The following SH2D4A variants were observed in gnomAD, a reference collection of about 807,000 sequenced individuals.
SH2D4A encodes the protein SH2 domain-containing protein 4A.
Under a neutral mutation model 64.7 loss-of-function variants are expected in SH2D4A, and 70 were observed. That is an observed-to-expected ratio of 1.08 (90% CI 0.89 to 1.32). SH2D4A has a LOEUF of 1.32. Ranked by LOEUF, SH2D4A falls within the 40% of genes most tolerant of loss-of-function variation. SH2D4A has a pLI of 0.00. For synonymous variants in SH2D4A, 268 were observed against 200.7 expected, an observed-to-expected ratio of 1.34 and a Z score of -2.83; for missense variants, 706 against 540.1, an observed-to-expected ratio of 1.31 and a Z score of -3.04.
At chr8:19,325,431 A>G (rs1354299708) in intron 2 of SH2D4A, among the ~76,000 whole-genome samples, 1 of 152,210 alleles carries the variant, frequency 6.6e-6, no homozygotes. Context: ...TAGAGTTAGG[A>G]TTTGAACTCA....
intron 8 of SH2D4A, among the ~76,000 whole-genome samples, chr8:19,388,740 C>T (rs1262138364): frequency 6.6e-6 from 1 of 152,192 alleles, no homozygotes; most frequent in African/African-American, 2.4e-5. Flanking sequence ...GAGGCAGTGG[C>T]TGCACGGAAG....
chr8:19,329,978 A>T (rs2052344883), intron 2 of SH2D4A, among the ~76,000 whole-genome samples: 1 of 152,214 alleles, frequency 6.6e-6, no homozygotes, highest in Non-Finnish European at 1.5e-5. Flanking sequence ...CACGTATTAG[A>T]TATGTGATGA....
rs150423146 is a variant in SH2D4A, at chr8:19,342,412, G to C, written c.513+7555G>C. ...TAGAATGCTGAGGCCAGCCTCAAGG[G>C]AAGAAAGCTACACATGGTAAGAGGA... On this transcript the variant is annotated intron_variant, in intron 4 of 9. Coordinates refer to ENST00000265807, the MANE Select transcript of SH2D4A (RefSeq NM_022071.4). Among the ~76,000 whole-genome samples, 733 of 152,342 alleles carry C rather than the reference G, an allele frequency of 4.8e-3. 11 individuals carry two copies. Among genetic ancestry groups the C allele is most frequent in the African/African-American group, 0.016 (681 of 41,586 alleles).
At chr8:19,381,971 T>G (rs2053300867) in intron 8 of SH2D4A, among the ~76,000 whole-genome samples, 1 of 152,220 alleles carries the variant, frequency 6.6e-6, no homozygotes, top group African/African-American at 2.4e-5. Flanking sequence ...TGTACCATCT[T>G]GCATTCCTCC....
rs145887722 is a variant in SH2D4A at position 19,373,583 on chromosome 8, G to A, written c.971G>A (p.Arg324Gln). The change falls in exon 8 of 10, where the codon CGG (arginine) becomes CAG (glutamine). Residue 324 changes from arginine (R) to glutamine (Q), a missense_variant. Arg to Gln is a conservative substitution (Grantham distance 43). Transcript: ENST00000265807. ...AGCTCTGCCCAAGAGGACATCATCC[G>A]GTGGTTTAAAGAGGAGCAGCTACCA... ...LSSSAQEDII[R>Q]WFKEEQLPLR... The A allele has an allele frequency of 3.8e-4, 605 of 1,613,178 alleles. No individual in the cohort carries two copies. The highest frequency in any genetic ancestry group is 4.7e-4 in the Non-Finnish European group (559 of 1,179,616).
At chr8:19,376,311 C>G (rs896903596) in intron 8 of SH2D4A, among the ~76,000 whole-genome samples, 1 of 152,106 alleles carries the variant, frequency 6.6e-6, no homozygotes, top group Non-Finnish European at 1.5e-5. Flanking sequence ...CTGCTTTACT[C>G]CAAGTCCTCC....
At chr8:19,332,887 G>T in intron 2 of SH2D4A, 68 bp from the exon 3 acceptor site, 1 of 1,495,070 alleles carries the variant, frequency 6.7e-7, no homozygotes, top group Non-Finnish European at 9.1e-7. Context: ...CTTTAGTGAT[G>T]GAAACAGTAA....
At chr8:19,317,518 G>A (rs966056110) in intron 1 of SH2D4A, among the ~76,000 whole-genome samples, 18 of 151,148 alleles carry the variant, frequency 1.2e-4, no homozygotes, top group Non-Finnish European at 5.9e-5. Context: ...TTCATCAAGG[G>A]CCTGGCTTCA....
intron 4 of SH2D4A, among the ~76,000 whole-genome samples, chr8:19,343,871 G>T (rs2052568871): frequency 1.3e-5 from 2 of 152,234 alleles, no homozygotes; most frequent in Non-Finnish European, 2.9e-5. Flanking sequence ...CCAGTGGCCT[G>T]TTCACTGGTT....
rs1554482781 is a variant in SH2D4A at position 19,361,176 on chromosome 8, G to GC, written c.595-27_595-26insC. On this transcript the variant is annotated intron_variant, in intron 5 of 9. Transcript: ENST00000265807. ...TCTTTTTTTGTTTTGTTTTGTTTTTGTTTTTTTTTGTTTTGTTTTTAAACA... is the reference window on the plus strand; with the variant it reads ...TCTTTTTTTGTTTTGTTTTGTTTTTGCTTTTTTTTTGTTTTGTTTTTAAACA... 2.3e-6 allele frequency: 3 copies of GC among 1,292,086 alleles called. No individual in the cohort carries two copies. The South Asian group carries it at 4.2e-5, about 18-fold the overall frequency. The allele number at this position is 1,292,086 out of a possible 1,614,324, so 80.0% of individuals were successfully genotyped here. A position where few individuals can be genotyped will look rare whatever the true frequency, so the allele number is the denominator to read the frequency against.
intron 8 of SH2D4A, among the ~76,000 whole-genome samples, chr8:19,376,818 T>A (rs1014194465): frequency 6.6e-6 from 1 of 152,100 alleles, no homozygotes; most frequent in African/African-American, 2.4e-5. Flanking sequence ...AGCAGTTAGT[T>A]GTCTCCTTAA....
chr8:19,370,449 T>C (rs2053075743), intron 7 of SH2D4A, among the ~76,000 whole-genome samples: 3 of 152,082 alleles, frequency 2.0e-5, no homozygotes, highest in Admixed American at 1.3e-4. Context: ...TATTTATAAC[T>C]GTTCTTGCTG....
In SH2D4A at chr8:19,364,260, G is replaced by T; in HGVS notation, c.895G>T (p.Ala299Ser). 1 of 1,614,088 alleles carries T rather than the reference G, an allele frequency of 6.2e-7. No individual in the cohort carries two copies. The highest frequency in any genetic ancestry group is 8.5e-7 in the Non-Finnish European group (1 of 1,179,978). ...PPKPQFLNSG[A>S]YPQKPLRNQG... ...CAAGCCTCAGTTCCTAAACTCAGGG[G>T]CATATCCTCAAAAACCTCTTAGGTA... The change falls in exon 7 of 10, where the codon GCA becomes TCA. Residue 299 changes from alanine (A) to serine (S), a missense_variant. Physicochemically the swap from Ala to Ser is moderately conservative, Grantham distance 99. Coordinates refer to ENST00000265807, the MANE Select transcript of SH2D4A (RefSeq NM_022071.4).
At chr8:19,375,561 G>A (rs1328194975) in intron 8 of SH2D4A, 2 of 152,282 alleles carry the variant, frequency 1.3e-5, no homozygotes, top group South Asian at 4.1e-4. Flanking sequence ...TTGAAGACTG[G>A]GATTTCTGGC....
chr8:19,376,908 A>T (rs543788321), intron 8 of SH2D4A, among the ~76,000 whole-genome samples: 37 of 152,328 alleles, frequency 2.4e-4, no homozygotes, highest in African/African-American at 8.7e-4. Flanking sequence ...ATGAAAGATC[A>T]TACAAATTTT....
intron 7 of SH2D4A, 88 bp from the exon 8 acceptor site, chr8:19,373,442 G>T: frequency 1.3e-6 from 1 of 796,352 alleles, no homozygotes; most frequent in Non-Finnish European, 1.7e-6. Context: ...GTATGTGTGT[G>T]TGTATATATA....
chr8:19,395,634 G>C lies in SH2D4A; in HGVS notation c.*992G>C, dbSNP rs1156745808. ...TGGGAAGAAGACCAGGGGACAAGAGGCAAGTTGGAGTGATGCAGCCGGAAG... is the reference window on the plus strand; with the variant it reads ...TGGGAAGAAGACCAGGGGACAAGAGCCAAGTTGGAGTGATGCAGCCGGAAG... On this transcript the variant is annotated 3_prime_UTR_variant, in exon 10 of 10. Coordinates refer to ENST00000265807, the MANE Select transcript of SH2D4A (RefSeq NM_022071.4). 1 of 152,260 alleles carries C rather than the reference G, an allele frequency of 6.6e-6. No homozygotes were observed. The highest frequency in any genetic ancestry group is 1.9e-4 in the East Asian group (1 of 5,170). The allele number at this position is 152,260 out of a possible 1,614,324, so 9.4% of individuals were successfully genotyped here.
At chr8:19,368,463 C>T (rs1312677929) in intron 7 of SH2D4A, among the ~76,000 whole-genome samples, 3 of 151,962 alleles carry the variant, frequency 2.0e-5, no homozygotes, top group African/African-American at 7.2e-5. Flanking sequence ...GCCATTTTGA[C>T]TATTAATTTT....
intron 8 of SH2D4A, among the ~76,000 whole-genome samples, chr8:19,390,046 G>A (rs1484716229): frequency 1.3e-5 from 2 of 152,160 alleles, no homozygotes; most frequent in Admixed American, 1.3e-4. Flanking sequence ...TTAGAGTTGT[G>A]CAAAGGGCAA....
Sources: allele counts gnomAD v4.1 joint callset (sites outside exome capture counted in the v4.1 genomes callset), GRCh38; gene constraint gnomAD v4.1.1; transcripts MANE v1.5; gene names NCBI Gene and HGNC (gene_info 2026-07-23, HGNC 2026-07-21).